The following ITGA8 variants were observed in gnomAD, a reference collection of about 807,000 sequenced individuals.
ITGA8 encodes the protein integrin alpha-8.
A neutral mutation model predicts 142.3 loss-of-function variants in ITGA8; 91 were observed. The ratio of observed to expected loss-of-function variants is 0.64; its 90% CI spans 0.54 to 0.76. The LOEUF is 0.76. Ranked by LOEUF, ITGA8 falls within the 30% of genes least tolerant of loss-of-function variation. ITGA8 has a pLI of 0.00. For missense variants in ITGA8, 1,406 were observed against 1,327.7 expected, an observed-to-expected ratio of 1.06 and a Z score of -0.92; for synonymous variants, 505 against 485.2, an observed-to-expected ratio of 1.04 and a Z score of -0.54.
intron 28 of ITGA8, among the ~76,000 whole-genome samples, chr10:15,530,135 G>C (rs1280375017): frequency 6.6e-6 from 1 of 152,198 alleles, no homozygotes; most frequent in African/African-American, 2.4e-5. Context: ...GTGCCTGCTG[G>C]TCTCATCATT....
At chr10:15,692,557 C>T (rs1258150185) in intron 2 of ITGA8, among the ~76,000 whole-genome samples, 1 of 152,144 alleles carries the variant, frequency 6.6e-6, no homozygotes, top group Non-Finnish European at 1.5e-5. Flanking sequence ...TGGGATTCTG[C>T]CTACTCTGAA....
intron 24 of ITGA8, among the ~76,000 whole-genome samples, chr10:15,573,600 C>T (rs1050959158): frequency 3.9e-5 from 6 of 152,182 alleles, no homozygotes; most frequent in African/African-American, 1.4e-4. Context: ...GGAGTTGAGG[C>T]ATCTTCCCTA....
intron 27 of ITGA8, among the ~76,000 whole-genome samples, 176 bp downstream of exon 27, chr10:15,548,279 A>T (rs149133394): frequency 2.6e-5 from 4 of 152,018 alleles, no homozygotes; most frequent in Middle Eastern, 3.2e-3. Flanking sequence ...TTTAGTAGAG[A>T]TGGGTTTTTT....
At chr10:15,557,802 T>C (rs1274971459) in intron 26 of ITGA8, among the ~76,000 whole-genome samples, 2 of 152,216 alleles carry the variant, frequency 1.3e-5, no homozygotes, top group Non-Finnish European at 2.9e-5. Flanking sequence ...GTTCCTGAAA[T>C]GGATTGAAGG....
intron 2 of ITGA8, among the ~76,000 whole-genome samples, chr10:15,703,059 C>A (rs975088076): frequency 6.6e-6 from 1 of 152,212 alleles, no homozygotes; most frequent in East Asian, 1.9e-4. Flanking sequence ...TTGTTCATAT[C>A]GCTATTTAAA....
intron 2 of ITGA8, among the ~76,000 whole-genome samples, chr10:15,705,004 G>GT (rs148990517): frequency 1.1e-4 from 17 of 151,706 alleles, no homozygotes; most frequent in African/African-American, 1.9e-4. Flanking sequence ...TGTTGTTGTT[G>GT]TTGTTTGTTT....
At chr10:15,598,851 A>G (rs1366529725) in intron 20 of ITGA8, among the ~76,000 whole-genome samples, 1 of 152,210 alleles carries the variant, frequency 6.6e-6, no homozygotes, top group Non-Finnish European at 1.5e-5. Flanking sequence ...GTTACGTCGG[A>G]TGAGCTAAAA....
chr10:15,514,570 T>C lies in ITGA8; in HGVS notation c.*2588A>G, dbSNP rs1379264772. Reference sequence around the variant, plus strand: ...GGAGACTGCCACCACGCCCAGCTAATTTTTGTATTTTTAGTAGAGATGGGG... The same window carrying C: ...GGAGACTGCCACCACGCCCAGCTAACTTTTGTATTTTTAGTAGAGATGGGG... On this transcript the variant is annotated 3_prime_UTR_variant, in exon 30 of 30. Coordinates refer to ENST00000378076, the MANE Select transcript of ITGA8 (RefSeq NM_003638.3). 6.6e-6 allele frequency: 1 copy of C among 152,038 alleles called. No individual in the cohort carries two copies. Among genetic ancestry groups the C allele is most frequent in the Non-Finnish European group, 1.5e-5 (1 of 68,048 alleles). 9.4% of individuals were successfully genotyped at this position (152,038 alleles called of 1,614,324 possible).
At chr10:15,657,836 T>G (rs999041313) in intron 10 of ITGA8, among the ~76,000 whole-genome samples, 2 of 152,344 alleles carry the variant, frequency 1.3e-5, no homozygotes, top group Non-Finnish European at 1.5e-5. Context: ...AATAGTCACA[T>G]ATAAGTTACA....
chr10:15,696,439 T>C (rs371800487), intron 2 of ITGA8, among the ~76,000 whole-genome samples: 3 of 152,166 alleles, frequency 2.0e-5, no homozygotes, highest in East Asian at 1.9e-4. Flanking sequence ...TAAAATTCAA[T>C]AGAAAAAAAT....
chr10:15,671,543 A>G lies in ITGA8; in HGVS notation c.847+60T>C, dbSNP rs539675700. Reference sequence around the variant, plus strand: ...ATCACATTGATAGAAAAAACTTTATATGCCATTTTACCATTTCCCCATGCT... The same window carrying G: ...ATCACATTGATAGAAAAAACTTTATGTGCCATTTTACCATTTCCCCATGCT... On this transcript the variant is annotated intron_variant, in intron 8 of 29. Coordinates refer to ENST00000378076, the MANE Select transcript of ITGA8 (RefSeq NM_003638.3). 7 of 1,398,050 alleles carry G rather than the reference A, an allele frequency of 5.0e-6. No individual in the cohort carries two copies. The East Asian group carries it at 1.4e-4, about 27-fold the overall frequency. The allele number at this position is 1,398,050 out of a possible 1,614,324, so 86.6% of individuals were successfully genotyped here. A position where few individuals can be genotyped will look rare whatever the true frequency, so the allele number is the denominator to read the frequency against.
At position 15,698,231 on chromosome 10, in the gene ITGA8, C is replaced by T. The variant is rs553052977; in HGVS notation, c.344-10193G>A. On this transcript the variant is annotated intron_variant, in intron 2 of 29. Transcript: ENST00000378076. ...AATTCCATCCAGGTTGCTGAGAATG[C>T]CATTATTTCATTCATTTTTATGGCT... Among the ~76,000 whole-genome samples, 6 of 152,310 alleles carry T rather than the reference C, an allele frequency of 3.9e-5. No individual in the cohort carries two copies. The South Asian group carries it at 1.0e-3, about 26-fold the overall frequency.
intron 2 of ITGA8, among the ~76,000 whole-genome samples, chr10:15,717,840 T>C (rs1835481630): frequency 6.6e-6 from 1 of 152,218 alleles, no homozygotes; most frequent in Non-Finnish European, 1.5e-5. Flanking sequence ...TCTGTGAAAA[T>C]ATTCCGCATA....
intron 2 of ITGA8, among the ~76,000 whole-genome samples, chr10:15,699,482 A>G (rs1442382962): frequency 1.3e-5 from 2 of 152,246 alleles, no homozygotes; most frequent in Admixed American, 6.5e-5. Flanking sequence ...AGATACATAC[A>G]TACATAGATC....
chr10:15,517,116 A>C lies in ITGA8; in HGVS notation c.*42T>G, dbSNP rs762341278. On this transcript the variant is annotated 3_prime_UTR_variant, in exon 30 of 30. Coordinates refer to ENST00000378076, the MANE Select transcript of ITGA8 (RefSeq NM_003638.3). ...TCATGTTCTTTCTTTTTCTTTGAAC[A>C]GGACCAGTGTTTGAGGTCTTTGGTC... 7.2e-7 allele frequency: 1 copy of C among 1,395,882 alleles called. No homozygotes were observed. Among genetic ancestry groups the C allele is most frequent in the South Asian group, 1.2e-5 (1 of 82,464 alleles). The allele number at this position is 1,395,882 out of a possible 1,614,324, so 86.5% of individuals were successfully genotyped here.
chr10:15,631,745 A>T (rs1050837467), intron 13 of ITGA8, among the ~76,000 whole-genome samples: 1 of 151,266 alleles, frequency 6.6e-6, no homozygotes, highest in Admixed American at 6.6e-5. Context: ...CATGGCCAAG[A>T]GGACTCTATG....
At chr10:15,558,242 T>C (rs375026864) in intron 25 of ITGA8, 40 bp from the exon 26 acceptor site, 5 of 1,609,034 alleles carry the variant, frequency 3.1e-6, no homozygotes, top group African/African-American at 2.7e-5. Context: ...TAAAAACACA[T>C]GAACAGTTGC....
rs759877729 is a variant in ITGA8, at chr10:15,515,772, A to G, written c.*1386T>C. ...AAATTTGGCTGGTCAATTTTACTTC[A>G]AAAATGATAATATTACAAGATTATG... is the stretch of plus-strand genomic sequence containing the variant. On this transcript the variant is annotated 3_prime_UTR_variant, in exon 30 of 30. Coordinates refer to ENST00000378076, the MANE Select transcript of ITGA8 (RefSeq NM_003638.3). The G allele has an allele frequency of 1.4e-4, 22 of 152,228 alleles. No individual in the cohort carries two copies. The highest frequency in any genetic ancestry group is 2.8e-4 in the Non-Finnish European group (19 of 68,042). The allele number at this position is 152,228 out of a possible 1,614,324, so 9.4% of individuals were successfully genotyped here.
chr10:15,621,693 A>C (rs943007994), intron 13 of ITGA8, among the ~76,000 whole-genome samples: 1 of 152,120 alleles, frequency 6.6e-6, no homozygotes, highest in African/African-American at 2.4e-5. Context: ...GATGAGGAAG[A>C]GCTGACAGTA....
Sources: gnomAD v4.1 joint callset for allele counts (sites outside exome capture counted in the v4.1 genomes callset) on GRCh38, gnomAD v4.1.1 for gene constraint, MANE v1.5 for transcripts, NCBI Gene and HGNC (gene_info 2026-07-23, HGNC 2026-07-21) for gene names.